The following GTF2IRD1 variants were observed in gnomAD, a reference collection of about 807,000 sequenced individuals.
GTF2IRD1 encodes general transcription factor II-I repeat domain-containing protein 1.
GTF2IRD1 carries 26 observed loss-of-function variants against 113.2 expected under a neutral mutation model. The ratio of observed to expected loss-of-function variants is 0.23; its 90% CI spans 0.17 to 0.32. GTF2IRD1 has a LOEUF of 0.32. Among genes scored for constraint, GTF2IRD1 ranks in the 10% least tolerant of loss-of-function variants. The pLI is 1.00. For synonymous variants in GTF2IRD1, 484 were observed against 529.1 expected (o/e 0.91, Z 1.17); for missense variants, 864 against 1,280.8 (o/e 0.67, Z 4.97).
At chr7:74,525,269 G>A (rs587635494) in intron 8 of GTF2IRD1, among the ~76,000 whole-genome samples, 1 of 152,250 alleles carries the variant, frequency 6.6e-6, no homozygotes, top group South Asian at 2.1e-4. Context: ...AAGCCTTTGG[G>A]TCCCCAGCCT....
In GTF2IRD1 at chr7:74,482,430, G is replaced by A. The variant is rs924606583; in HGVS notation, c.-6-25645G>A. ...TTTTGTAGAGTCAGGGTCTCTCTGT[G>A]TTGTCCAGGCTGGTCTCAAATTTCT... On this transcript the variant is annotated intron_variant, in intron 1 of 26. Coordinates refer to ENST00000424337, the MANE Select transcript of GTF2IRD1 (RefSeq NM_005685.4). Among the ~76,000 whole-genome samples the A allele has an allele frequency of 4.0e-5, 6 of 151,814 alleles. No homozygotes were observed. The South Asian group carries it at 8.3e-4, about 21-fold the overall frequency.
chr7:74,550,713 G>A (rs1218107148), intron 17 of GTF2IRD1, among the ~76,000 whole-genome samples: 10 of 152,034 alleles, frequency 6.6e-5, no homozygotes, highest in Admixed American at 2.0e-4. Context: ...TTTGAGAGCA[G>A]CCTGGGCAAT....
At chr7:74,597,430 C>T (rs1339919099) in intron 25 of GTF2IRD1, among the ~76,000 whole-genome samples, 1 of 151,200 alleles carries the variant, frequency 6.6e-6, no homozygotes, top group Non-Finnish European at 1.5e-5. Flanking sequence ...ACTGCAACCT[C>T]CGCCTCCTGA....
chr7:74,534,786 C>T lies in GTF2IRD1; in HGVS notation c.1275-327C>T, dbSNP rs587637193. ...GGCATGGTGGTGCACGTCTGTAGTCCCAGCTACTCAGGAGGCTGAGGCAGA... is the reference window on the plus strand; with the variant it reads ...GGCATGGTGGTGCACGTCTGTAGTCTCAGCTACTCAGGAGGCTGAGGCAGA... On this transcript the variant is annotated intron_variant, in intron 9 of 26. Coordinates refer to ENST00000424337, the MANE Select transcript of GTF2IRD1 (RefSeq NM_005685.4). 5.9e-5 allele frequency among the ~76,000 whole-genome samples: 9 copies of T among 151,862 alleles called. No individual in the cohort carries two copies. The East Asian group carries it at 1.7e-3, about 29-fold the overall frequency.
intron 22 of GTF2IRD1, among the ~76,000 whole-genome samples, chr7:74,570,282 G>A (rs1800619609): frequency 2.0e-5 from 3 of 151,492 alleles, no homozygotes; most frequent in African/African-American, 4.9e-5. Flanking sequence ...AGAATCGCTT[G>A]AACCTGAGAC....
intron 4 of GTF2IRD1, among the ~76,000 whole-genome samples, chr7:74,516,265 A>G (rs1554344589): frequency 6.6e-6 from 1 of 152,244 alleles, no homozygotes; most frequent in Non-Finnish European, 1.5e-5. Flanking sequence ...TGGCACCCAC[A>G]GTGCCCTGTC....
chr7:74,561,121 G>A (rs1799932859), intron 22 of GTF2IRD1, among the ~76,000 whole-genome samples: 1 of 151,912 alleles, frequency 6.6e-6, no homozygotes, highest in South Asian at 2.1e-4. Flanking sequence ...AGCCAAGGCA[G>A]GAGGATCACT....
intron 1 of GTF2IRD1, among the ~76,000 whole-genome samples, chr7:74,500,213 C>T (rs1160903429): frequency 6.6e-6 from 1 of 152,128 alleles, no homozygotes; most frequent in African/African-American, 2.4e-5. Flanking sequence ...TTGAGCAGCA[C>T]GCTTCCCCTC....
At chr7:74,456,219 A>C (rs1792962632) in intron 1 of GTF2IRD1, among the ~76,000 whole-genome samples, 1 of 152,014 alleles carries the variant, frequency 6.6e-6, no homozygotes, top group Non-Finnish European at 1.5e-5. Context: ...CAGGCCATCC[A>C]CGGTTTGGTG....
At chr7:74,552,808 G>A (rs1451154263) in intron 17 of GTF2IRD1, among the ~76,000 whole-genome samples, 2 of 151,910 alleles carry the variant, frequency 1.3e-5, no homozygotes, top group African/African-American at 4.8e-5. Context: ...TTTGTTTTTT[G>A]TGGGTTGGTT....
At chr7:74,477,624 A>C (rs1554333798) in intron 1 of GTF2IRD1, among the ~76,000 whole-genome samples, 3 of 152,056 alleles carry the variant, frequency 2.0e-5, no homozygotes, top group African/African-American at 7.2e-5. Context: ...GGGCAGTGCT[A>C]GTGCTGAGGT....
chr7:74,573,576 G>A (rs1800823105), intron 22 of GTF2IRD1, among the ~76,000 whole-genome samples: 1 of 152,110 alleles, frequency 6.6e-6, no homozygotes, highest in Non-Finnish European at 1.5e-5. Flanking sequence ...CTTTATTTGG[G>A]CTGGAATGAG....
chr7:74,594,266 G>C (rs1554371306), intron 24 of GTF2IRD1, among the ~76,000 whole-genome samples: 1 of 151,798 alleles, frequency 6.6e-6, no homozygotes, highest in Non-Finnish European at 1.5e-5. Context: ...TGCCTTCCCA[G>C]CTACTGGGAA....
chr7:74,562,316 C>A (rs1370249947), intron 22 of GTF2IRD1, among the ~76,000 whole-genome samples: 1 of 152,044 alleles, frequency 6.6e-6, no homozygotes, highest in African/African-American at 2.4e-5. Flanking sequence ...TGCAGAGAGG[C>A]GGGTGGCTGG....
chr7:74,567,152 ACC>A (rs1554360912), intron 22 of GTF2IRD1, among the ~76,000 whole-genome samples: 1 of 151,796 alleles, frequency 6.6e-6, no homozygotes, highest in Admixed American at 6.6e-5. Context: ...GCATGGTGAA[ACC>A]CCGTCTCTAC....
intron 4 of GTF2IRD1, among the ~76,000 whole-genome samples, chr7:74,517,001 T>TTTGTTGTTG (rs374786237): frequency 1.8e-3 from 161 of 90,240 alleles, no homozygotes; most frequent in African/African-American, 8.3e-3. Flanking sequence ...CTCTCCTGTC[T>TTTGTTGTTG]TTGTTGTTGT....
intron 17 of GTF2IRD1, among the ~76,000 whole-genome samples, chr7:74,553,549 AAAGTG>A (rs1554355719): frequency 6.6e-6 from 1 of 152,044 alleles, no homozygotes; most frequent in Non-Finnish European, 1.5e-5. Flanking sequence ...TCAGCCTCCC[AAAGTG>A]CTGGGATTAC....
intron 22 of GTF2IRD1, among the ~76,000 whole-genome samples, chr7:74,587,746 C>A (rs587632124): frequency 6.6e-6 from 1 of 152,242 alleles, no homozygotes; most frequent in East Asian, 1.9e-4. Context: ...CCAGCCCAAC[C>A]CCCACTCAGC....
intron 17 of GTF2IRD1, among the ~76,000 whole-genome samples, chr7:74,554,282 G>A (rs1799476149): frequency 6.6e-6 from 1 of 152,120 alleles, no homozygotes; most frequent in African/African-American, 2.4e-5. Flanking sequence ...CCCCACAACA[G>A]GCTTGCTCTA....
Sources: gnomAD v4.1 joint callset for allele counts (sites outside exome capture counted in the v4.1 genomes callset) on GRCh38, gnomAD v4.1.1 for gene constraint, MANE v1.5 for transcripts, NCBI Gene and HGNC (gene_info 2026-07-23, HGNC 2026-07-21) for gene names.